The following NRXN1 variants were observed in gnomAD, a reference collection of about 807,000 sequenced individuals.
The protein encoded by NRXN1 is neurexin 1.
A neutral mutation model predicts 150.9 loss-of-function variants in NRXN1; 39 were observed. The observed-to-expected ratio is 0.26, with a 90% CI of 0.20 to 0.34. The LOEUF (loss-of-function observed/expected upper bound fraction) is 0.34, where lower values mean the gene tolerates loss of function less well. Ranked by LOEUF, NRXN1 falls within the 10% of genes least tolerant of loss-of-function variation. The pLI, the probability that NRXN1 is intolerant of heterozygous loss-of-function variation, is 1.00. For synonymous variants in NRXN1, 924 were observed against 757.0 expected (o/e 1.22, Z -3.62); for missense variants, 1,815 against 1,949.9 (o/e 0.93, Z 1.30).
intron 5 of NRXN1, among the ~76,000 whole-genome samples, chr2:50,717,472 T>C (rs1273237107): frequency 6.6e-6 from 1 of 152,154 alleles, no homozygotes; most frequent in African/African-American, 2.4e-5. Context: ...ATTTTTACCA[T>C]GATTTTCAGT....
intron 5 of NRXN1, among the ~76,000 whole-genome samples, chr2:50,836,705 T>A (rs997951907): frequency 9.2e-5 from 14 of 152,086 alleles, no homozygotes; most frequent in African/African-American, 1.9e-4. Context: ...CACATTTTTT[T>A]AATCCATTTA....
Position 50,742,340 on chromosome 2 carries a change from C to G in NRXN1, c.833-118725G>C, listed in dbSNP as rs562641737. 1.7e-3 allele frequency among the ~76,000 whole-genome samples: 254 copies of G among 151,500 alleles called. 1 individual carries two copies. The highest frequency in any genetic ancestry group is 6.0e-3 in the African/African-American group (248 of 41,380). On this transcript the variant is annotated intron_variant, in intron 5 of 22. Coordinates refer to ENST00000401669, the MANE Select transcript of NRXN1 (RefSeq NM_001330078.2). Reference sequence around the variant, plus strand: ...CATAGAGTACATCACTTCTGCTATCCAAATGATTTGGTTTGCTTTACAGAA... The same window carrying G: ...CATAGAGTACATCACTTCTGCTATCGAAATGATTTGGTTTGCTTTACAGAA...
intron 18 of NRXN1, among the ~76,000 whole-genome samples, chr2:50,226,274 C>A (rs1022897304): frequency 1.4e-4 from 22 of 151,936 alleles, no homozygotes; most frequent in Admixed American, 4.6e-4. Flanking sequence ...ATAAAAGCCA[C>A]ACTTGTAGAC....
chr2:50,377,560 A>C (rs1392083132), intron 17 of NRXN1, among the ~76,000 whole-genome samples: 1 of 152,138 alleles, frequency 6.6e-6, no homozygotes, highest in Non-Finnish European at 1.5e-5. Context: ...TCTTAAAATT[A>C]AAGTTGGGAC....
At chr2:50,854,064 T>C (rs1374262325) in intron 5 of NRXN1, among the ~76,000 whole-genome samples, 1 of 152,068 alleles carries the variant, frequency 6.6e-6, no homozygotes. Flanking sequence ...AAGATCCTCA[T>C]TGGCAAAAGA....
At chr2:50,234,089 C>G (rs890586000) in intron 18 of NRXN1, among the ~76,000 whole-genome samples, 3 of 151,294 alleles carry the variant, frequency 2.0e-5, no homozygotes, top group Admixed American at 2.0e-4. Context: ...TTTCTAATTC[C>G]TCTTTCTTTT....
chr2:49,995,699 T>G (rs1033499449), intron 21 of NRXN1, among the ~76,000 whole-genome samples: 20 of 133,934 alleles, frequency 1.5e-4, no homozygotes, highest in African/African-American at 5.1e-4. Context: ...GAGAATGGCG[T>G]AAACCTGGGA....
At chr2:50,500,845 C>T (rs765896615) in intron 13 of NRXN1, among the ~76,000 whole-genome samples, 1 of 152,116 alleles carries the variant, frequency 6.6e-6, no homozygotes, top group East Asian at 1.9e-4. Context: ...CAAAATAACC[C>T]TCCCTTACAT....
At chr2:49,971,471 C>T (rs1677946986) in intron 21 of NRXN1, among the ~76,000 whole-genome samples, 1 of 152,138 alleles carries the variant, frequency 6.6e-6, no homozygotes, top group Non-Finnish European at 1.5e-5. Context: ...AATAACAGTT[C>T]AGGACTCTTG....
At chr2:50,179,142 T>G (rs73932974) in intron 18 of NRXN1, among the ~76,000 whole-genome samples, 1 of 152,096 alleles carries the variant, frequency 6.6e-6, no homozygotes, top group African/African-American at 2.4e-5. Context: ...GTAGGAAACA[T>G]GTCCTAAGAT....
rs78219123 is a variant in NRXN1, at chr2:50,570,264, G to A, written c.1321-17239C>T. ...GGGCTGGCAGCAGAGTACTGGGGGC[G>A]GGGGGAAGAATCAAAGACAGAGAAA... On this transcript the variant is annotated intron_variant, in intron 8 of 22. Transcript: ENST00000401669. 1.3e-3 allele frequency among the ~76,000 whole-genome samples: 195 copies of A among 151,926 alleles called. 2 individuals carry two copies. Among genetic ancestry groups the A allele is most frequent in the South Asian group, 0.011 (52 of 4,812 alleles).
intron 22 of NRXN1, among the ~76,000 whole-genome samples, chr2:49,930,531 C>T (rs1669951371): frequency 1.3e-5 from 2 of 152,094 alleles, no homozygotes; most frequent in Admixed American, 1.3e-4. Context: ...CCAATAACAT[C>T]TATTAAATTT....
intron 18 of NRXN1, among the ~76,000 whole-genome samples, chr2:50,136,605 G>C (rs1315483458): frequency 1.3e-5 from 2 of 152,052 alleles, no homozygotes; most frequent in Non-Finnish European, 1.5e-5. Flanking sequence ...CATGGACCCC[G>C]GGATGTATTA....
chr2:50,768,778 A>G (rs2105433954), intron 5 of NRXN1, among the ~76,000 whole-genome samples: 1 of 151,942 alleles, frequency 6.6e-6, no homozygotes, highest in South Asian at 2.1e-4. Flanking sequence ...TAGTAAAATT[A>G]TTTTACATAT....
intron 5 of NRXN1, among the ~76,000 whole-genome samples, chr2:50,700,265 C>A (rs756921880): frequency 3.0e-4 from 46 of 152,152 alleles, no homozygotes; most frequent in Non-Finnish European, 6.0e-4. Flanking sequence ...GGAAAAGTAA[C>A]CAGCACCTGA....
intron 5 of NRXN1, chr2:50,632,956 T>A (rs1682601918): frequency 6.6e-6 from 1 of 152,094 alleles, no homozygotes; most frequent in South Asian, 2.1e-4. Flanking sequence ...GTTTCACCTT[T>A]AGGCAATATT....
chr2:50,063,745 T>A (rs938375502), intron 19 of NRXN1, among the ~76,000 whole-genome samples: 1 of 152,176 alleles, frequency 6.6e-6, no homozygotes, highest in Admixed American at 6.5e-5. Flanking sequence ...TCTATAATCA[T>A]GATCAAAGAA....
chr2:50,266,509 T>C (rs1306794838), intron 17 of NRXN1, among the ~76,000 whole-genome samples: 1 of 147,178 alleles, frequency 6.8e-6, no homozygotes, highest in East Asian at 1.9e-4. Flanking sequence ...TAGTTACATA[T>C]AAAATATATT....
chr2:50,055,095 G>A (rs978212913), intron 19 of NRXN1, 51 bp from the exon 20 acceptor site: 4 of 1,255,690 alleles, frequency 3.2e-6, no homozygotes, highest in Non-Finnish European at 4.4e-6. Flanking sequence ...AAGGTCAAAG[G>A]TTAAAAGTTA....
Sources: gnomAD v4.1 joint callset for allele counts (sites outside exome capture counted in the v4.1 genomes callset) on GRCh38, gnomAD v4.1.1 for gene constraint, MANE v1.5 for transcripts, NCBI Gene and HGNC (gene_info 2026-07-23, HGNC 2026-07-21) for gene names.